Variants in FAM118A observed in about 807,000 individuals in gnomAD.
The protein encoded by FAM118A is SIR2 antiphage like 2, also known as protein FAM118A.
Under a neutral mutation model 38.2 loss-of-function variants are expected in FAM118A, and 25 were observed. That is an observed-to-expected ratio of 0.65 (90% CI 0.48 to 0.91). The LOEUF is 0.91. Among genes scored for constraint, FAM118A ranks in the 40% least tolerant of loss-of-function variants. The pLI, the probability that FAM118A is intolerant of heterozygous loss-of-function variation, is 0.00. For synonymous variants in FAM118A, 178 were observed against 184.1 expected (o/e 0.97, Z 0.27); for missense variants, 425 against 463.3 (o/e 0.92, Z 0.76).
chr22:45,324,395 G>A (rs1748564219), intron 3 of FAM118A, among the ~76,000 whole-genome samples: 1 of 152,206 alleles, frequency 6.6e-6, no homozygotes. Flanking sequence ...AGTGCGTGGA[G>A]GAGGGAAGTG....
intron 1 of FAM118A, chr22:45,318,698 C>T (rs775909889): frequency 1.3e-5 from 2 of 152,196 alleles, no homozygotes; most frequent in African/African-American, 2.4e-5. Flanking sequence ...ATATGGGCAA[C>T]TGTGCAGTTC....
In FAM118A at chr22:45,330,598, G is replaced by A; in HGVS notation, c.523-5G>A. The A allele has an allele frequency of 6.5e-7, 1 of 1,530,426 alleles. No homozygotes were observed. Among genetic ancestry groups the A allele is most frequent in the Non-Finnish European group, 8.8e-7 (1 of 1,142,494 alleles). The allele number at this position is 1,530,426 out of a possible 1,614,324, so 94.8% of individuals were successfully genotyped here. A position where few individuals can be genotyped will look rare whatever the true frequency, so the allele number is the denominator to read the frequency against. ...GTTTCTTTTTCTTGGCTTGATGTTT[G>A]GTAGGTCCTTGAATGGGCAAGAGGG... On this transcript the variant is annotated splice_region_variant and splice_polypyrimidine_tract_variant and intron_variant, in intron 4 of 8. Coordinates refer to ENST00000441876, the MANE Select transcript of FAM118A (RefSeq NM_017911.4).
intron 1 of FAM118A, among the ~76,000 whole-genome samples, chr22:45,317,324 A>T (rs1569122432): frequency 6.6e-6 from 1 of 152,220 alleles, no homozygotes; most frequent in Admixed American, 6.5e-5. Context: ...GGTTGCACCA[A>T]GCCGAGATTG....
chr22:45,332,525 T>A lies in FAM118A; in HGVS notation c.752T>A (p.Val251Glu), dbSNP rs770589268. 1.7e-5 allele frequency: 27 copies of A among 1,614,064 alleles called. No homozygotes were observed. Among genetic ancestry groups the A allele is most frequent in the African/African-American group, 4.0e-5 (3 of 74,922 alleles). ...TTCCAGGCCCTCTTTCTTTACTCCGTGCCGAATAAGGTGGATTTGGAGCAC... is the reference window on the plus strand; with the variant it reads ...TTCCAGGCCCTCTTTCTTTACTCCGAGCCGAATAAGGTGGATTTGGAGCAC... ...QIFQALFLYS[V>E]PNKVDLEHYM... The change falls in exon 6 of 9, where the codon GTG becomes GAG. Residue 251 changes from valine to glutamate, a missense_variant. Val to Glu is a moderately radical substitution (Grantham distance 121). Transcript: ENST00000441876.
intron 1 of FAM118A, among the ~76,000 whole-genome samples, chr22:45,319,727 C>T (rs6519922): frequency 0.44 from 67,287 of 151,990 alleles, 18,078 homozygotes; most frequent in African/African-American, 0.75. Flanking sequence ...AACTCAACTT[C>T]TGTTACTTTC....
At chr22:45,315,515 T>G (rs2084566556) in intron 1 of FAM118A, among the ~76,000 whole-genome samples, 1 of 152,192 alleles carries the variant, frequency 6.6e-6, no homozygotes, top group Non-Finnish European at 1.5e-5. Context: ...CTGTACACTT[T>G]ATTAAGTGCC....
intron 7 of FAM118A, among the ~76,000 whole-genome samples, chr22:45,336,043 TCA>T: frequency 6.6e-6 from 1 of 152,358 alleles, no homozygotes; most frequent in Non-Finnish European, 1.5e-5. Flanking sequence ...GCTGCTCGCC[TCA>T]CATCCATGTT....
rs889049377 is a variant in FAM118A at position 45,340,694 on chromosome 22, C to A, written c.*289C>A. 2 of 470,724 alleles carry A rather than the reference C, an allele frequency of 4.2e-6. No homozygotes were observed. Among genetic ancestry groups the A allele is most frequent in the African/African-American group, 2.0e-5 (1 of 51,264 alleles). The allele number at this position is 470,724 out of a possible 1,614,324, so 29.2% of individuals were successfully genotyped here. On this transcript the variant is annotated 3_prime_UTR_variant, in exon 9 of 9. Transcript: ENST00000441876. ...TGGGAAGGGATGGACCTGGTGTTCC[C>A]GTTCCCATCTGACAGGCTCTCTTTT...
At position 45,319,355 on chromosome 22, in the gene FAM118A, G is replaced by C. The variant is rs142079974; in HGVS notation, c.-9-3016G>C. Among the ~76,000 whole-genome samples the C allele has an allele frequency of 4.3e-3, 653 of 152,242 alleles. 2 individuals carry two copies. Among genetic ancestry groups the C allele is most frequent in the African/African-American group, 0.015 (626 of 41,556 alleles). On this transcript the variant is annotated intron_variant, in intron 1 of 8. Coordinates refer to ENST00000441876, the MANE Select transcript of FAM118A (RefSeq NM_017911.4). ...GAAGTGATGTGGATTATTTTGGGGG[G>C]CGGGAGTAGGGGGCACTTGAATTAG...
At chr22:45,322,538 C>G in intron 2 of FAM118A, 112 bp downstream of exon 2, 7 of 943,688 alleles carry the variant, frequency 7.4e-6, no homozygotes, top group Non-Finnish European at 1.1e-5. Flanking sequence ...GAAATGGAAA[C>G]ACTGGGGCAT....
chr22:45,325,899 G>A (rs1024057682), intron 3 of FAM118A, among the ~76,000 whole-genome samples: 12 of 152,236 alleles, frequency 7.9e-5, no homozygotes, highest in African/African-American at 2.9e-4. Flanking sequence ...GTCTCAGGTC[G>A]GGGAGAAGGT....
In FAM118A at chr22:45,327,939, C is replaced by T. The variant is rs1422486984; in HGVS notation, c.398C>T (p.Ser133Leu). 17 of 1,614,042 alleles carry T rather than the reference C, an allele frequency of 1.1e-5. No individual in the cohort carries two copies. The highest frequency in any genetic ancestry group is 1.4e-5 in the Non-Finnish European group (16 of 1,180,014). The change falls in exon 4 of 9, where the codon TCG becomes TTG. Residue 133 changes from serine (S) to leucine (L), a missense_variant. Transcript: ENST00000441876. The stretch of plus-strand genomic sequence containing the variant: ...ATCCGGAGTCCTGTGGTGCTGCAGT[C>T]GATCCTCAGCCTGATGGACAGGGGC... ...QHIRSPVVLQ[S>L]ILSLMDRGAM... is the part of the protein sequence containing the mutation.
chr22:45,328,004 G>A lies in FAM118A; in HGVS notation c.463G>A (p.Ala155Thr), dbSNP rs1023378229. 1.2e-6 allele frequency: 2 copies of A among 1,612,090 alleles called. No homozygotes were observed. The highest frequency in any genetic ancestry group is 1.7e-6 in the Non-Finnish European group (2 of 1,179,320). ...CACCAACTATGACAACCTGCTGGAG[G>A]CCTTTGGCCGGCGGCAGAACAAGCC... ...LTTNYDNLLE[A>T]FGRRQNKPME... The change falls in exon 4 of 9, where the codon GCC (alanine) becomes ACC (threonine). Residue 155 changes from alanine (A) to threonine (T), a missense_variant. Coordinates refer to ENST00000441876, the MANE Select transcript of FAM118A (RefSeq NM_017911.4).
In FAM118A at chr22:45,340,715, C is replaced by T. The variant is rs1602026902; in HGVS notation, c.*310C>T. 2.3e-6 allele frequency: 1 copy of T among 444,198 alleles called. No individual in the cohort carries two copies. The highest frequency in any genetic ancestry group is 3.5e-5 in the East Asian group (1 of 28,172). 27.5% of individuals were successfully genotyped at this position (444,198 alleles called of 1,614,324 possible). On this transcript the variant is annotated 3_prime_UTR_variant, in exon 9 of 9. Coordinates refer to ENST00000441876, the MANE Select transcript of FAM118A (RefSeq NM_017911.4). Reference sequence around the variant, plus strand: ...TTCCCGTTCCCATCTGACAGGCTCTCTTTTGTCAAGGTGGTATTTTTCGTA... The same window carrying T: ...TTCCCGTTCCCATCTGACAGGCTCTTTTTTGTCAAGGTGGTATTTTTCGTA...
At position 45,328,176 on chromosome 22, in the gene FAM118A, CCGG is replaced by C. The variant is rs2146673073; in HGVS notation, c.522+118_522+120del. On this transcript the variant is annotated intron_variant, in intron 4 of 8. Transcript: ENST00000441876. ...GGCTGGGGGTGCGGGAGGTCTTTGGCCGGCGGCAGAACAAGCCCATGGAGTCCC... is the reference window on the plus strand; with the variant it reads ...GGCTGGGGGTGCGGGAGGTCTTTGGCCGGCAGAACAAGCCCATGGAGTCCC... The C allele has an allele frequency of 3.7e-4, 95 of 253,590 alleles. 38 individuals are homozygous for C. In the Middle Eastern group the frequency reaches 4.5e-3, roughly 12 times the overall value. 15.7% of individuals were successfully genotyped at this position (253,590 alleles called of 1,614,324 possible). A position where few individuals can be genotyped will look rare whatever the true frequency, so the allele number is the denominator to read the frequency against.
rs1197810892 is a variant in FAM118A, at chr22:45,340,457, T to C, written c.*52T>C. Reference sequence around the variant, plus strand: ...GAAAACTAGCCTTCTGTAACCACAGTGCCCAAACGAAGAGGAATGTATGGA... The same window carrying C: ...GAAAACTAGCCTTCTGTAACCACAGCGCCCAAACGAAGAGGAATGTATGGA... On this transcript the variant is annotated 3_prime_UTR_variant, in exon 9 of 9. Transcript: ENST00000441876. The C allele has an allele frequency of 1.2e-6, 2 of 1,601,480 alleles. No individual in the cohort carries two copies. The highest frequency in any genetic ancestry group is 1.7e-6 in the Non-Finnish European group (2 of 1,168,518).
chr22:45,333,421 T>C (rs950706853), intron 6 of FAM118A, among the ~76,000 whole-genome samples: 1 of 151,984 alleles, frequency 6.6e-6, no homozygotes, highest in African/African-American at 2.4e-5. Flanking sequence ...ACGCCTGTAA[T>C]CCCAGCACTT....
chr22:45,313,448 A>G (rs959290647), intron 1 of FAM118A, among the ~76,000 whole-genome samples: 4 of 148,738 alleles, frequency 2.7e-5, no homozygotes, highest in African/African-American at 1.0e-4. Context: ...TCAGCCTCCC[A>G]AGTAGCTGGG....
At position 45,340,484 on chromosome 22, in the gene FAM118A, A is replaced by G; in HGVS notation, c.*79A>G. ...CCCAAACGAAGAGGAATGTATGGAG[A>G]ACTCCACGTGGATCTCTGATTGCGA... On this transcript the variant is annotated 3_prime_UTR_variant, in exon 9 of 9. Transcript: ENST00000441876. 6.6e-7 allele frequency: 1 copy of G among 1,507,934 alleles called. No homozygotes were observed. Among genetic ancestry groups the G allele is most frequent in the Non-Finnish European group, 9.2e-7 (1 of 1,083,284 alleles). The allele number at this position is 1,507,934 out of a possible 1,614,324, so 93.4% of individuals were successfully genotyped here.
Sources: allele counts gnomAD v4.1 joint callset (sites outside exome capture counted in the v4.1 genomes callset), GRCh38; gene constraint gnomAD v4.1.1; transcripts MANE v1.5; gene names NCBI Gene and HGNC (gene_info 2026-07-23, HGNC 2026-07-21).